UTRN: variants seen among roughly 807,000 people sequenced by gnomAD.
UTRN encodes the protein dystrophin-related protein 1.
Under a neutral mutation model 463.9 loss-of-function variants are expected in UTRN, and 283 were observed. The observed-to-expected ratio is 0.61, with a 90% confidence interval of 0.55 to 0.67. The LOEUF is 0.67. Ranked by LOEUF, UTRN falls within the 30% of genes least tolerant of loss-of-function variation. The pLI is 0.00. For missense variants in UTRN, 3,922 were observed against 4,084.3 expected, an observed-to-expected ratio of 0.96 and a Z score of 1.08; for synonymous variants, 1,442 against 1,431.5, an observed-to-expected ratio of 1.01 and a Z score of -0.17.
chr6:144,583,817 ATC>A (rs1802208495), intron 51 of UTRN, among the ~76,000 whole-genome samples: 1 of 152,212 alleles, frequency 6.6e-6, no homozygotes, highest in South Asian at 2.1e-4. Flanking sequence ...AATTGACACA[ATC>A]TTGTCTTCTG....
intron 51 of UTRN, among the ~76,000 whole-genome samples, chr6:144,661,132 A>G (rs1779824208): frequency 6.6e-6 from 1 of 152,340 alleles, no homozygotes; most frequent in East Asian, 1.9e-4. Flanking sequence ...AGCTGTGCTC[A>G]GTGGCTTTCA....
At chr6:144,514,851 T>C in intron 37 of UTRN, 31 bp downstream of exon 37, 1 of 1,598,470 alleles carries the variant, frequency 6.3e-7, no homozygotes, top group Non-Finnish European at 8.5e-7. Flanking sequence ...AGTAAACCAT[T>C]TTTCCTATGG....
chr6:144,419,477 T>C (rs1189243072), intron 3 of UTRN, among the ~76,000 whole-genome samples: 1 of 152,222 alleles, frequency 6.6e-6, no homozygotes, highest in African/African-American at 2.4e-5. Flanking sequence ...CTAAAAATTA[T>C]GAGTTGGCTA....
At chr6:144,685,171 C>T (rs1489838491) in intron 52 of UTRN, among the ~76,000 whole-genome samples, 3 of 152,076 alleles carry the variant, frequency 2.0e-5, no homozygotes, top group African/African-American at 7.2e-5. Flanking sequence ...AGAATAATGG[C>T]CTCCAGCTCC....
chr6:144,427,162 A>G (rs1584740101), intron 7 of UTRN, among the ~76,000 whole-genome samples: 3 of 152,328 alleles, frequency 2.0e-5, no homozygotes, highest in Admixed American at 2.0e-4. Flanking sequence ...TTGAGCTGAC[A>G]TTGCAGATTA....
At chr6:144,349,869 G>T (rs1584390938) in intron 2 of UTRN, among the ~76,000 whole-genome samples, 1 of 152,174 alleles carries the variant, frequency 6.6e-6, no homozygotes, top group African/African-American at 2.4e-5. Flanking sequence ...GGGTTAGATA[G>T]GATCTGGACA....
chr6:144,590,996 C>T (rs1803008618), intron 51 of UTRN, among the ~76,000 whole-genome samples: 1 of 152,100 alleles, frequency 6.6e-6, no homozygotes, highest in Admixed American at 6.6e-5. Flanking sequence ...ACTGTTGTTA[C>T]CGTTACCACT....
intron 53 of UTRN, among the ~76,000 whole-genome samples, chr6:144,722,708 A>G (rs1022335995): frequency 2.8e-4 from 42 of 152,138 alleles, no homozygotes; most frequent in African/African-American, 9.7e-4. Context: ...TACTAGTCAT[A>G]TTTCAGATAC....
At position 144,459,489 on chromosome 6, in the gene UTRN, A is replaced by G. The variant is rs1249762381; in HGVS notation, c.2707+135A>G. The G allele has an allele frequency of 1.2e-5, 11 of 889,320 alleles. No homozygotes were observed. The Admixed American group carries it at 3.5e-4, about 28-fold the overall frequency. The allele number at this position is 889,320 out of a possible 1,614,324, so 55.1% of individuals were successfully genotyped here. A position where few individuals can be genotyped will look rare whatever the true frequency, so the allele number is the denominator to read the frequency against. ...TTTTCCTTTGTGCCTGTATTGTTCA[A>G]AGTCTTAAAGTCTTCTGTATTCAGA... On this transcript the variant is annotated intron_variant, in intron 21 of 74. Transcript: ENST00000367545.
Position 144,484,432 on chromosome 6 carries a change from CTTTTTTTTTT to C in UTRN, c.3688-935_3688-926del, listed in dbSNP as rs765122659. Among the ~76,000 whole-genome samples the C allele has an allele frequency of 7.5e-5, 5 of 66,234 alleles. 1 individual carries two copies. Among genetic ancestry groups the C allele is most frequent in the East Asian group, 3.8e-4 (1 of 2,628 alleles). 43.5% of individuals were successfully genotyped at this position (66,234 alleles called of 152,430 possible). ...TTTTTCATTTTGTTCAAAAACCAAA[CTTTTTTTTTT>C]TTTTTTTTTTTTTTTTTGAGATGGA... is the stretch of plus-strand genomic sequence containing the variant. On this transcript the variant is annotated intron_variant, in intron 27 of 74. Transcript: ENST00000367545.
chr6:144,319,451 C>G (rs964386720), intron 2 of UTRN, among the ~76,000 whole-genome samples: 6 of 152,226 alleles, frequency 3.9e-5, no homozygotes, highest in Admixed American at 1.3e-4. Flanking sequence ...TAACATCTTT[C>G]TGCTTCCTGT....
intron 14 of UTRN, among the ~76,000 whole-genome samples, chr6:144,445,125 T>A (rs1584811831): frequency 6.6e-6 from 1 of 151,690 alleles, no homozygotes; most frequent in Non-Finnish European, 1.5e-5. Flanking sequence ...CTGAGGCAGG[T>A]GGATCACTTG....
chr6:144,332,321 G>A (rs185627257), intron 2 of UTRN, among the ~76,000 whole-genome samples: 21 of 152,312 alleles, frequency 1.4e-4, no homozygotes, highest in Admixed American at 2.6e-4. Context: ...TGCCTTGTAC[G>A]GTGCCTGTTC....
chr6:144,650,096 A>G (rs151319336), intron 51 of UTRN, among the ~76,000 whole-genome samples: 1 of 152,238 alleles, frequency 6.6e-6, no homozygotes, highest in Non-Finnish European at 1.5e-5. Context: ...ACAAAGGCAC[A>G]TCTTACATGG....
At chr6:144,741,305 C>A (rs984089551) in intron 54 of UTRN, among the ~76,000 whole-genome samples, 112 of 152,240 alleles carry the variant, frequency 7.4e-4, no homozygotes, top group African/African-American at 2.7e-3. Context: ...GGGAAGCAGC[C>A]TGGGGAGAGA....
chr6:144,523,928 C>T (rs1478302429), intron 41 of UTRN, among the ~76,000 whole-genome samples: 1 of 152,030 alleles, frequency 6.6e-6, no homozygotes, highest in East Asian at 1.9e-4. Flanking sequence ...TAGATTTTGA[C>T]CAGGACTATT....
chr6:144,322,012 C>T (rs942569786), intron 2 of UTRN, among the ~76,000 whole-genome samples: 2 of 152,322 alleles, frequency 1.3e-5, no homozygotes, highest in African/African-American at 4.8e-5. Context: ...GATCCACCCG[C>T]CTCGGCCTCC....
intron 51 of UTRN, among the ~76,000 whole-genome samples, chr6:144,612,355 G>A (rs1805613858): frequency 6.6e-6 from 1 of 151,878 alleles, no homozygotes; most frequent in Admixed American, 6.6e-5. Flanking sequence ...GCAAAAATAG[G>A]CAAATGGGAT....
intron 2 of UTRN, among the ~76,000 whole-genome samples, chr6:144,401,276 T>C (rs1782916242): frequency 6.6e-6 from 1 of 152,184 alleles, no homozygotes. Flanking sequence ...GGACAAATAA[T>C]TGGATTTTCC....
Sources: allele counts gnomAD v4.1 joint callset (sites outside exome capture counted in the v4.1 genomes callset), GRCh38; gene constraint gnomAD v4.1.1; transcripts MANE v1.5; gene names NCBI Gene and HGNC (gene_info 2026-07-23, HGNC 2026-07-21).